ASZ1: variants seen among roughly 807,000 people sequenced by gnomAD.
The protein encoded by ASZ1 is ankyrin repeat, SAM and basic leucine zipper domain containing 1, also known as ankyrin repeat, SAM and basic leucine zipper domain-containing protein 1.
In ASZ1, 67 loss-of-function variants were observed where a neutral mutation model predicts 61.8. The observed-to-expected ratio is 1.08, with a 90% CI of 0.89 to 1.33. The LOEUF is 1.33. Among genes scored for constraint, ASZ1 ranks in the 40% most tolerant of loss-of-function variants. The pLI is 0.00. For synonymous variants in ASZ1, 193 were observed against 192.7 expected, an observed-to-expected ratio of 1.00 and a Z score of -0.01; for missense variants, 577 against 554.5, an observed-to-expected ratio of 1.04 and a Z score of -0.41.
At chr7:117,379,136 TATATA>T (rs1562847614) in intron 10 of ASZ1, among the ~76,000 whole-genome samples, 9 of 88,500 alleles carry the variant, frequency 1.0e-4, no homozygotes, top group African/African-American at 3.1e-4. Context: ...GATAAAATTA[TATATA>T]TATATATATA....
At chr7:117,404,958 C>T (rs1481333577) in intron 4 of ASZ1, among the ~76,000 whole-genome samples, 1 of 152,144 alleles carries the variant, frequency 6.6e-6, no homozygotes, top group Admixed American at 6.5e-5. Context: ...ACTCTCTCCC[C>T]TTCTGTTTGA....
chr7:117,379,168 T>TATATATATATATATACACACACAC (rs1161457624), intron 10 of ASZ1, among the ~76,000 whole-genome samples: 1 of 69,726 alleles, frequency 1.4e-5, no homozygotes, highest in African/African-American at 5.5e-5. Flanking sequence ...TATATATATA[T>TATATATATATATATACACACACAC]ACACACACAC....
At chr7:117,393,136 T>G (rs1459262782) in intron 4 of ASZ1, among the ~76,000 whole-genome samples, 1 of 151,916 alleles carries the variant, frequency 6.6e-6, no homozygotes, top group Non-Finnish European at 1.5e-5. Flanking sequence ...CATAAGCCAC[T>G]GAGCCTAGCT....
At chr7:117,394,168 C>T (rs1244054742) in intron 4 of ASZ1, among the ~76,000 whole-genome samples, 1 of 152,048 alleles carries the variant, frequency 6.6e-6, no homozygotes. Context: ...GCAATGGCAT[C>T]ATCATAGCTC....
rs1796281975 is a variant in ASZ1 at position 117,382,978 on chromosome 7, T to C, written c.812+8A>G. On this transcript the variant is annotated splice_region_variant and intron_variant, in intron 7 of 12. Coordinates refer to ENST00000284629, the MANE Select transcript of ASZ1 (RefSeq NM_130768.3). ...GGTATTCTGTTGAACTAAAACATGC[T>C]ATATTACCTAAAAATGTGATCTTTT... The C allele has an allele frequency of 6.4e-7, 1 of 1,556,912 alleles. No individual in the cohort carries two copies. Among genetic ancestry groups the C allele is most frequent in the Non-Finnish European group, 8.7e-7 (1 of 1,154,788 alleles).
chr7:117,365,317 T>C (rs1795913554), intron 12 of ASZ1, among the ~76,000 whole-genome samples: 1 of 152,184 alleles, frequency 6.6e-6, no homozygotes, highest in Non-Finnish European at 1.5e-5. Flanking sequence ...GTCTTCTATT[T>C]AGCCAAAGAA....
intron 11 of ASZ1, 37 bp from the exon 12 acceptor site, chr7:117,367,502 G>T: frequency 7.3e-7 from 1 of 1,370,794 alleles, no homozygotes. Flanking sequence ...TTAAATAATG[G>T]AAATAACTTT....
At chr7:117,417,447 T>C (rs1797017245) in intron 4 of ASZ1, among the ~76,000 whole-genome samples, 1 of 152,214 alleles carries the variant, frequency 6.6e-6, no homozygotes, top group South Asian at 2.1e-4. Flanking sequence ...CTGGTATCTT[T>C]TGGCACTTTT....
At chr7:117,425,801 C>T (rs886753565) in intron 2 of ASZ1, among the ~76,000 whole-genome samples, 3 of 151,004 alleles carry the variant, frequency 2.0e-5, no homozygotes, top group Admixed American at 6.6e-5. Flanking sequence ...CCAGCCTGGC[C>T]GACATGGTGA....
At chr7:117,425,202 C>A (rs1403688361) in intron 2 of ASZ1, among the ~76,000 whole-genome samples, 1 of 151,278 alleles carries the variant, frequency 6.6e-6, no homozygotes, top group South Asian at 2.1e-4. Flanking sequence ...ATGGCAAAAA[C>A]CACAATTATT....
Position 117,426,868 on chromosome 7 carries a change from T to C in ASZ1, c.173A>G (p.Asp58Gly), listed in dbSNP as rs753114877. Residue 58 changes from aspartate (D) to glycine (G), a missense_variant, in exon 2 of 13, where the codon GAT (aspartate) becomes GGT (glycine). Physicochemically the swap from Asp to Gly is moderately conservative, Grantham distance 94. Coordinates refer to ENST00000284629, the MANE Select transcript of ASZ1 (RefSeq NM_130768.3). The stretch of plus-strand genomic sequence containing the variant: ...TAGGAGCTCCTGGACCAATGAAACA[T>C]CTCCGATGGTCATTGCTTTCTTAAA... ...EKFKKAMTIG[D>G]VSLVQELLDS... 1.1e-5 allele frequency: 18 copies of C among 1,613,234 alleles called. No individual in the cohort carries two copies. The highest frequency in any genetic ancestry group is 1.7e-5 in the Admixed American group (1 of 59,880).
intron 2 of ASZ1, among the ~76,000 whole-genome samples, chr7:117,425,752 G>A (rs1440120097): frequency 1.3e-5 from 2 of 151,940 alleles, no homozygotes; most frequent in African/African-American, 4.8e-5. Flanking sequence ...CACTTTGGGA[G>A]GCCGAGGTGG....
chr7:117,414,706 TCCCA>T (rs1254985469), intron 4 of ASZ1, among the ~76,000 whole-genome samples: 3 of 152,156 alleles, frequency 2.0e-5, no homozygotes, highest in Admixed American at 6.5e-5. Flanking sequence ...ACTGTTCAAC[TCCCA>T]CTCATGAGTG....
At chr7:117,426,739 G>A (rs763094277) in intron 2 of ASZ1, 97 bp downstream of exon 2, 10 of 1,050,726 alleles carry the variant, frequency 9.5e-6, no homozygotes, top group African/African-American at 4.9e-5. Context: ...CATTTGTTGC[G>A]TTTCCATTAG....
intron 4 of ASZ1, among the ~76,000 whole-genome samples, chr7:117,397,127 A>G (rs1446089601): frequency 6.6e-6 from 1 of 152,100 alleles, no homozygotes; most frequent in Non-Finnish European, 1.5e-5. Context: ...CTATAGTCCA[A>G]CTTCTTGGGA....
In ASZ1 at chr7:117,427,404, C is replaced by G; in HGVS notation, c.57G>C (p.Glu19Asp). ...LPVAGGGESS[E>D]SEDDGWEIGY... ...CAATCTCCCAGCCATCATCCTCGCTCTCGCTACTCTCGCCTCCGCCAGCCA... is the reference window on the plus strand; with the variant it reads ...CAATCTCCCAGCCATCATCCTCGCTGTCGCTACTCTCGCCTCCGCCAGCCA... The change falls in exon 1 of 13, where the codon GAG becomes GAC. Residue 19 changes from glutamate to aspartate, a missense_variant. Transcript: ENST00000284629. The G allele has an allele frequency of 6.2e-7, 1 of 1,614,176 alleles. No homozygotes were observed. The highest frequency in any genetic ancestry group is 8.5e-7 in the Non-Finnish European group (1 of 1,180,026).
At chr7:117,387,687 C>A (rs771075361) in intron 4 of ASZ1, among the ~76,000 whole-genome samples, 1 of 152,166 alleles carries the variant, frequency 6.6e-6, no homozygotes, top group Non-Finnish European at 1.5e-5. Flanking sequence ...TCCAAGACAA[C>A]ATCATCTTTC....
At chr7:117,423,689 C>CA (rs60144830) in intron 2 of ASZ1, among the ~76,000 whole-genome samples, 27,442 of 76,482 alleles carry the variant, frequency 0.36, 3,725 homozygotes, top group Middle Eastern at 0.44. Flanking sequence ...ACTAAAAATA[C>CA]AAAAAAAAAA....
chr7:117,380,971 A>C, intron 9 of ASZ1, 40 bp downstream of exon 9: 2 of 1,502,346 alleles, frequency 1.3e-6, no homozygotes, highest in Non-Finnish European at 1.8e-6. Flanking sequence ...TTTTAAAAAC[A>C]TCAAACAATG....
Sources: gnomAD v4.1 joint callset for allele counts (sites outside exome capture counted in the v4.1 genomes callset) on GRCh38, gnomAD v4.1.1 for gene constraint, MANE v1.5 for transcripts, NCBI Gene and HGNC (gene_info 2026-07-23, HGNC 2026-07-21) for gene names.